Variants in LRRK1 observed in about 807,000 individuals in gnomAD.
LRRK1 encodes leucine rich repeat kinase 1.
In LRRK1, 113 loss-of-function variants were observed where a neutral mutation model predicts 209.1. The observed-to-expected ratio is 0.54, with a 90% CI of 0.46 to 0.63. The LOEUF is 0.63. LRRK1 is among the 30% of genes least tolerant of loss of function. The pLI is 0.00. For missense variants in LRRK1, 2,284 were observed against 2,632.2 expected (o/e 0.87, Z 2.89); for synonymous variants, 1,144 against 1,099.7 (o/e 1.04, Z -0.80).
At position 100,972,934 on chromosome 15, in the gene LRRK1, A is replaced by ACACACACACACACACACC. The variant is rs11472046; in HGVS notation, c.98-867_98-866insACACACACACACACCCAC. On this transcript the variant is annotated intron_variant, in intron 2 of 33. Coordinates refer to ENST00000388948, the MANE Select transcript of LRRK1 (RefSeq NM_024652.6). ...AAAAACTGTACACACACACACACAC[A>ACACACACACACACACACC]CACCCAGTTTTGTGTACAATTTTAG... Among the ~76,000 whole-genome samples the ACACACACACACACACACC allele has an allele frequency of 2.6e-5, 4 of 151,646 alleles. No homozygotes were observed. The South Asian group carries it at 8.3e-4, about 32-fold the overall frequency.
intron 6 of LRRK1, among the ~76,000 whole-genome samples, chr15:101,003,078 A>C (rs2032778289): frequency 6.6e-6 from 1 of 152,194 alleles, no homozygotes; most frequent in Non-Finnish European, 1.5e-5. Context: ...TCTCTCTGCC[A>C]CTTTGTGGAC....
intron 1 of LRRK1, among the ~76,000 whole-genome samples, chr15:100,922,205 G>T (rs542475652): frequency 6.6e-6 from 1 of 152,214 alleles, no homozygotes; most frequent in East Asian, 1.9e-4. Flanking sequence ...CACCTCTCTG[G>T]ACCCAAAAGA....
At chr15:100,925,529 T>C (rs1264031310) in intron 2 of LRRK1, among the ~76,000 whole-genome samples, 1 of 152,224 alleles carries the variant, frequency 6.6e-6, no homozygotes, top group Non-Finnish European at 1.5e-5. Context: ...TCAAGGTTAT[T>C]TCTGTAATGC....
At chr15:100,939,366 T>C (rs2042360010) in intron 2 of LRRK1, among the ~76,000 whole-genome samples, 2 of 152,252 alleles carry the variant, frequency 1.3e-5, no homozygotes, top group Non-Finnish European at 2.9e-5. Flanking sequence ...CATTTCTATG[T>C]GTGGCCTGAC....
rs761840209 is a variant in LRRK1, at chr15:101,029,151, C to T, written c.2882C>T (p.Thr961Ile). 8.7e-6 allele frequency: 14 copies of T among 1,614,202 alleles called. No individual in the cohort carries two copies. The highest frequency in any genetic ancestry group is 1.2e-5 in the Non-Finnish European group (14 of 1,180,042). Residue 961 changes from threonine to isoleucine, a missense_variant, in exon 20 of 34, where the codon ACT (threonine) becomes ATT (isoleucine). Physicochemically the swap from Thr to Ile is moderately conservative, Grantham distance 89 (BLOSUM62 -1). Around this residue, in one of 6 missense-constraint regions of LRRK1, gnomAD observed 780 missense variants for 985.2 expected, o/e 0.79. Transcript: ENST00000388948. ...AEDLRMLLVG[T>I]GFTQQTEEQY... ...GACCTCAGGATGCTGCTGGTGGGGA[C>T]TGGCTTCACGCAGCAGACGGAAGAG... is the stretch of plus-strand genomic sequence containing the variant.
At chr15:101,039,343 T>G (rs1021624076) in intron 20 of LRRK1, among the ~76,000 whole-genome samples, 1 of 152,252 alleles carries the variant, frequency 6.6e-6, no homozygotes, top group African/African-American at 2.4e-5. Flanking sequence ...AATTTGTGTC[T>G]ACATAATTTA....
intron 29 of LRRK1, among the ~76,000 whole-genome samples, chr15:101,059,188 G>A (rs2036005388): frequency 6.6e-6 from 1 of 152,152 alleles, no homozygotes. Flanking sequence ...TCAGGAGTTT[G>A]AGACCAGTCT....
chr15:100,961,922 C>T (rs1006389383), intron 2 of LRRK1, among the ~76,000 whole-genome samples: 3 of 152,196 alleles, frequency 2.0e-5, no homozygotes, highest in Admixed American at 6.5e-5. Context: ...ATGACCAATA[C>T]ATGAAACATT....
intron 2 of LRRK1, among the ~76,000 whole-genome samples, chr15:100,945,925 A>G (rs1018551325): frequency 3.1e-4 from 47 of 152,238 alleles, no homozygotes; most frequent in African/African-American, 1.1e-3. Context: ...CTATCTAAGA[A>G]CACAGAAAAC....
At chr15:101,062,926 C>T (rs1196032387) in intron 31 of LRRK1, among the ~76,000 whole-genome samples, 3 of 152,154 alleles carry the variant, frequency 2.0e-5, no homozygotes, top group Non-Finnish European at 4.4e-5. Context: ...AATGAAAAAC[C>T]CCCTTTCACA....
intron 3 of LRRK1, among the ~76,000 whole-genome samples, chr15:100,977,364 T>C (rs570473109): frequency 6.2e-4 from 95 of 152,156 alleles, no homozygotes; most frequent in Non-Finnish European, 1.1e-3. Context: ...GTGGAGAGCT[T>C]AGATTTCCAC....
intron 2 of LRRK1, among the ~76,000 whole-genome samples, chr15:100,943,948 G>A (rs1399331244): frequency 6.6e-6 from 1 of 152,140 alleles, no homozygotes; most frequent in Non-Finnish European, 1.5e-5. Context: ...AAAGTGCTGG[G>A]ATTACAGGTG....
At chr15:100,932,238 G>A (rs1437462974) in intron 2 of LRRK1, among the ~76,000 whole-genome samples, 3 of 152,056 alleles carry the variant, frequency 2.0e-5, no homozygotes, top group South Asian at 2.1e-4. Context: ...CACTCGTCTC[G>A]GCCTCCCAAA....
chr15:101,024,773 C>G lies in LRRK1; in HGVS notation c.2068-30C>G, dbSNP rs775848894. The G allele has an allele frequency of 6.3e-7, 1 of 1,599,210 alleles. No individual in the cohort carries two copies. Among genetic ancestry groups the G allele is most frequent in the Non-Finnish European group, 8.6e-7 (1 of 1,168,048 alleles). ...ACTGAAGCCTTTGTCTCTAAAATGCCTCCCTGTCGCTGCCTTGTTGCTCAA... is the reference window on the plus strand; with the variant it reads ...ACTGAAGCCTTTGTCTCTAAAATGCGTCCCTGTCGCTGCCTTGTTGCTCAA... On this transcript the variant is annotated intron_variant, in intron 15 of 33. Transcript: ENST00000388948. The surrounding 1 kb of genome is among the most constrained non-coding windows in gnomAD (Gnocchi z 4.6).
intron 2 of LRRK1, among the ~76,000 whole-genome samples, chr15:100,963,024 T>C (rs2030184531): frequency 6.6e-6 from 1 of 150,474 alleles, no homozygotes; most frequent in African/African-American, 2.5e-5. Context: ...GGTTTCGCCA[T>C]GTTAGCCAGG....
At chr15:101,023,967 A>C (rs1287144443) in intron 15 of LRRK1, among the ~76,000 whole-genome samples, 2 of 151,954 alleles carry the variant, frequency 1.3e-5, no homozygotes, top group Admixed American at 1.3e-4. Flanking sequence ...ATGCAATCTC[A>C]TTTCTTCTCT....
At chr15:101,004,949 A>G (rs2032872596) in intron 6 of LRRK1, among the ~76,000 whole-genome samples, 1 of 152,254 alleles carries the variant, frequency 6.6e-6, no homozygotes, top group African/African-American at 2.4e-5. Flanking sequence ...AAGATTTTCA[A>G]TAGAGACTTA....
intron 13 of LRRK1, 173 bp from the exon 14 acceptor site, chr15:101,021,672 C>A: frequency 1.7e-6 from 1 of 574,420 alleles, no homozygotes; most frequent in Non-Finnish European, 3.1e-6. Context: ...GTTTCTATCA[C>A]TGATCCTCCA....
At chr15:100,978,099 A>C (rs952599433) in intron 3 of LRRK1, among the ~76,000 whole-genome samples, 9 of 152,148 alleles carry the variant, frequency 5.9e-5, no homozygotes, top group South Asian at 2.1e-4. Flanking sequence ...TTAAAAAAAA[A>C]CTCAATGAAT....
Sources: gnomAD v4.1 joint callset for allele counts (sites outside exome capture counted in the v4.1 genomes callset) on GRCh38, gnomAD v4.1.1 for gene constraint, gnomAD v4.1.1 regional missense constraint, Gnocchi (gnomAD v3.1) non-coding constraint, MANE v1.5 for transcripts, NCBI Gene and HGNC (gene_info 2026-07-23, HGNC 2026-07-21) for gene names.